The following MEI4 variants were observed in gnomAD, a reference collection of about 807,000 sequenced individuals.
The protein encoded by MEI4 is meiosis-specific protein MEI4.
MEI4 carries 27 observed loss-of-function variants against 31.4 expected under a neutral mutation model. The ratio of observed to expected loss-of-function variants is 0.86; its 90% confidence interval spans 0.63 to 1.19. MEI4 has a LOEUF of 1.19. Ranked by LOEUF, MEI4 falls within the 50% of genes most tolerant of loss-of-function variation. The pLI, the probability that MEI4 is intolerant of heterozygous loss-of-function variation, is 0.00. For missense variants in MEI4, 329 were observed against 398.9 expected, an observed-to-expected ratio of 0.82 and a Z score of 1.49; for synonymous variants, 122 against 145.4, an observed-to-expected ratio of 0.84 and a Z score of 1.16.
At chr6:77,745,561 T>C (rs1344348047) in intron 2 of MEI4, among the ~76,000 whole-genome samples, 2 of 152,094 alleles carry the variant, frequency 1.3e-5, no homozygotes, top group Non-Finnish European at 2.9e-5. Flanking sequence ...GACAGATCAG[T>C]GAGACAGAAA....
chr6:77,708,444 T>C (rs1039096545), intron 2 of MEI4, among the ~76,000 whole-genome samples: 1 of 152,220 alleles, frequency 6.6e-6, no homozygotes, highest in African/African-American at 2.4e-5. Context: ...GTCTTGAGTC[T>C]CAGATGAGAC....
At chr6:77,714,298 C>CT (rs1048270810) in intron 2 of MEI4, among the ~76,000 whole-genome samples, 2 of 151,168 alleles carry the variant, frequency 1.3e-5, no homozygotes, top group African/African-American at 4.9e-5. Context: ...AATGTCAATT[C>CT]TTTTTATTAT....
At chr6:77,785,075 T>C (rs1043073953) in intron 3 of MEI4, among the ~76,000 whole-genome samples, 4 of 152,168 alleles carry the variant, frequency 2.6e-5, no homozygotes, top group Admixed American at 2.6e-4. Context: ...ACTAAGATAG[T>C]ATAGAATTCA....
chr6:77,912,481 T>C (rs1279458041), intron 4 of MEI4, among the ~76,000 whole-genome samples: 1 of 152,118 alleles, frequency 6.6e-6, no homozygotes, highest in Non-Finnish European at 1.5e-5. Context: ...TTGTGTTTTC[T>C]TCCATTTTTG....
intron 3 of MEI4, among the ~76,000 whole-genome samples, chr6:77,812,908 T>G (rs551032026): frequency 6.6e-6 from 1 of 151,948 alleles, no homozygotes; most frequent in African/African-American, 2.4e-5. Context: ...TAGGGAAAGG[T>G]TATTTAAATA....
intron 2 of MEI4, among the ~76,000 whole-genome samples, chr6:77,706,663 G>A (rs1014775968): frequency 6.6e-6 from 1 of 152,152 alleles, no homozygotes; most frequent in African/African-American, 2.4e-5. Flanking sequence ...GGGTCATGGG[G>A]ATGGATCCCT....
chr6:77,727,905 G>T (rs924202018), intron 2 of MEI4, among the ~76,000 whole-genome samples: 6 of 151,232 alleles, frequency 4.0e-5, no homozygotes, highest in African/African-American at 1.5e-4. Flanking sequence ...CTGTCTCTTT[G>T]ATCGTAACAG....
chr6:77,804,958 T>C (rs557091346), intron 3 of MEI4, among the ~76,000 whole-genome samples: 1 of 152,332 alleles, frequency 6.6e-6, no homozygotes, highest in Non-Finnish European at 1.5e-5. Flanking sequence ...GTTCAGCAGG[T>C]TTTATCTGTA....
intron 4 of MEI4, among the ~76,000 whole-genome samples, chr6:77,874,813 G>A (rs1432619785): frequency 6.6e-6 from 1 of 152,194 alleles, no homozygotes; most frequent in East Asian, 1.9e-4. Context: ...TTTTTAGCAT[G>A]AAGAGTTGTT....
intron 2 of MEI4, among the ~76,000 whole-genome samples, chr6:77,740,029 A>G (rs895092911): frequency 1.3e-5 from 2 of 152,106 alleles, no homozygotes; most frequent in African/African-American, 4.8e-5. Flanking sequence ...CAAACAATTT[A>G]TTGATTTCTA....
chr6:77,753,784 A>G (rs1413977714), intron 2 of MEI4, among the ~76,000 whole-genome samples: 3 of 152,226 alleles, frequency 2.0e-5, no homozygotes, highest in African/African-American at 4.8e-5. Context: ...CCATTCTGCT[A>G]TAAAGACACA....
chr6:77,681,346 C>T (rs981009080), intron 1 of MEI4, among the ~76,000 whole-genome samples: 9 of 152,134 alleles, frequency 5.9e-5, no homozygotes, highest in Non-Finnish European at 1.3e-4. Context: ...ATGTACTCTA[C>T]GAACAATATA....
intron 2 of MEI4, among the ~76,000 whole-genome samples, chr6:77,714,630 A>C (rs1582052074): frequency 6.6e-6 from 1 of 152,364 alleles, no homozygotes; most frequent in South Asian, 2.1e-4. Context: ...TACGTGATTT[A>C]GGAGCTGATT....
At chr6:77,878,220 A>G (rs1453748414) in intron 4 of MEI4, among the ~76,000 whole-genome samples, 3 of 136,034 alleles carry the variant, frequency 2.2e-5, no homozygotes, top group Non-Finnish European at 3.4e-5. Flanking sequence ...AAGTAAATAC[A>G]TAAAAAAACC....
At chr6:77,860,910 A>C (rs1191463785) in intron 4 of MEI4, among the ~76,000 whole-genome samples, 1 of 152,082 alleles carries the variant, frequency 6.6e-6, no homozygotes, top group Non-Finnish European at 1.5e-5. Flanking sequence ...TCTGGCTCAG[A>C]GTATTTCACT....
At chr6:77,729,233 C>A (rs1444139501) in intron 2 of MEI4, among the ~76,000 whole-genome samples, 1 of 152,128 alleles carries the variant, frequency 6.6e-6, no homozygotes, top group Non-Finnish European at 1.5e-5. Flanking sequence ...ATACATTAAC[C>A]CATTTATGCC....
At chr6:77,904,476 A>G (rs550814618) in intron 4 of MEI4, among the ~76,000 whole-genome samples, 3 of 152,128 alleles carry the variant, frequency 2.0e-5, no homozygotes, top group South Asian at 4.1e-4. Context: ...CCCACTCTCA[A>G]GTAGGCCCCA....
At chr6:77,677,039 G>A (rs952569480) in intron 1 of MEI4, among the ~76,000 whole-genome samples, 18 of 152,136 alleles carry the variant, frequency 1.2e-4, no homozygotes, top group African/African-American at 4.3e-4. Flanking sequence ...GGTCTATAGA[G>A]AGGCAAATTA....
chr6:77,660,751 A>G (rs1562195527), intron 1 of MEI4, among the ~76,000 whole-genome samples: 1 of 152,190 alleles, frequency 6.6e-6, no homozygotes, highest in African/African-American at 2.4e-5. Flanking sequence ...AGGAGGGATT[A>G]GGCTGGCTGT....
Sources: gnomAD v4.1 joint callset for allele counts (sites outside exome capture counted in the v4.1 genomes callset) on GRCh38, gnomAD v4.1.1 for gene constraint, MANE v1.5 for transcripts, NCBI Gene and HGNC (gene_info 2026-07-23, HGNC 2026-07-21) for gene names.